Variants in FNTB observed in about 807,000 individuals in gnomAD.
The protein encoded by FNTB is farnesyltransferase, CAAX box, subunit beta, also known as protein farnesyltransferase subunit beta.
A neutral mutation model predicts 59.4 loss-of-function variants in FNTB; 27 were observed. The ratio of observed to expected loss-of-function variants is 0.45; its 90% CI spans 0.34 to 0.63. FNTB has a LOEUF of 0.63. Ranked by LOEUF, FNTB falls within the 20% of genes least tolerant of loss-of-function variation. The pLI is 0.02. For synonymous variants in FNTB, 230 were observed against 220.7 expected (o/e 1.04, Z -0.37); for missense variants, 449 against 559.6 (o/e 0.80, Z 1.99).
chr14:65,053,598 T>C (rs1176791024), intron 10 of FNTB, among the ~76,000 whole-genome samples: 1 of 143,982 alleles, frequency 6.9e-6, no homozygotes, highest in Non-Finnish European at 1.5e-5. Flanking sequence ...GGGAAACAGA[T>C]TGCTGGGTAG....
intron 8 of FNTB, among the ~76,000 whole-genome samples, chr14:65,043,491 C>G (rs1030908805): frequency 6.6e-6 from 1 of 152,106 alleles, no homozygotes; most frequent in Admixed American, 6.5e-5. Flanking sequence ...CCCCAGGTGC[C>G]AAGTAAAAGT....
chr14:64,987,237 C>G, intron 1 of FNTB, 140 bp downstream of exon 1: 1 of 1,027,930 alleles, frequency 9.7e-7, no homozygotes, highest in Non-Finnish European at 1.4e-6. Context: ...CTCTGGGAAG[C>G]TCCGGGCGCC....
intron 11 of FNTB, among the ~76,000 whole-genome samples, chr14:65,055,608 C>T (rs2062717880): frequency 6.6e-6 from 1 of 151,974 alleles, no homozygotes; most frequent in African/African-American, 2.4e-5. Flanking sequence ...CCTCCACCTC[C>T]CAGGTTCAAG....
intron 1 of FNTB, 102 bp downstream of exon 1, chr14:64,987,199 A>G: frequency 7.3e-7 from 1 of 1,364,358 alleles, no homozygotes; most frequent in Non-Finnish European, 1.0e-6. Context: ...GGGAACTACG[A>G]CTCCCACAGC....
intron 9 of FNTB, among the ~76,000 whole-genome samples, chr14:65,051,680 C>G (rs2062614544): frequency 6.6e-6 from 1 of 151,752 alleles, no homozygotes; most frequent in African/African-American, 2.4e-5. Context: ...TAGACTGTAT[C>G]ATAAACTTTT....
At chr14:65,055,497 T>TA (rs1204490783) in intron 11 of FNTB, among the ~76,000 whole-genome samples, 3 of 152,034 alleles carry the variant, frequency 2.0e-5, no homozygotes, top group African/African-American at 4.8e-5. Flanking sequence ...CTTTTTTGTT[T>TA]AAAAAAATTT....
At chr14:65,041,339 G>A (rs1050304009) in intron 8 of FNTB, among the ~76,000 whole-genome samples, 7 of 152,192 alleles carry the variant, frequency 4.6e-5, no homozygotes, top group African/African-American at 1.4e-4. Context: ...TAAATGAGTT[G>A]TTTAGGCAGA....
At chr14:65,046,362 A>G (rs2062477328) in intron 9 of FNTB, among the ~76,000 whole-genome samples, 1 of 152,230 alleles carries the variant, frequency 6.6e-6, no homozygotes, top group Non-Finnish European at 1.5e-5. Context: ...TAAAATGGTC[A>G]GTCTTTTACA....
chr14:65,006,767 T>A (rs1303565500), intron 2 of FNTB, among the ~76,000 whole-genome samples: 1 of 152,258 alleles, frequency 6.6e-6, no homozygotes, highest in Non-Finnish European at 1.5e-5. Flanking sequence ...ATTCCTTTTT[T>A]AAAATTTGTT....
intron 4 of FNTB, chr14:65,021,938 G>A (rs1435375148): frequency 8.8e-6 from 4 of 455,842 alleles, no homozygotes; most frequent in East Asian, 6.9e-5. Context: ...GAGCCACTGC[G>A]CCCGGCCTAT....
chr14:65,008,376 C>T (rs1294455739), intron 2 of FNTB, among the ~76,000 whole-genome samples: 1 of 152,192 alleles, frequency 6.6e-6, no homozygotes, highest in Non-Finnish European at 1.5e-5. Flanking sequence ...AGAGAGTCTC[C>T]AAAGGACAGG....
chr14:64,987,046 G>C lies in FNTB; in HGVS notation c.93G>C (p.Ala31=), dbSNP rs757328464. 6.2e-7 allele frequency: 1 copy of C among 1,614,200 alleles called. No homozygotes were observed. Among genetic ancestry groups the C allele is most frequent in the Non-Finnish European group, 8.5e-7 (1 of 1,180,044 alleles). The part of the protein sequence containing the change: ...EPLYSLRPEH[A]RERLQDDSVE... Reference sequence around the variant, plus strand: ...TGTACAGTCTGAGGCCCGAGCACGCGCGAGAGCGGTTGCAGGACGACTCGG... The same window carrying C: ...TGTACAGTCTGAGGCCCGAGCACGCCCGAGAGCGGTTGCAGGACGACTCGG... Residue 31 remains alanine, a synonymous_variant, in exon 1 of 12, where the codon GCG becomes GCC. Transcript: ENST00000246166.
intron 4 of FNTB, chr14:65,016,393 AG>A (rs1327640545): frequency 1.3e-5 from 2 of 152,212 alleles, no homozygotes; most frequent in Non-Finnish European, 2.9e-5. Context: ...ACCTGGAATA[AG>A]AAAGGGCAGC....
intron 8 of FNTB, among the ~76,000 whole-genome samples, chr14:65,042,894 C>T (rs2062384071): frequency 1.3e-5 from 2 of 152,148 alleles, no homozygotes; most frequent in African/African-American, 4.8e-5. Context: ...TAAGATCAAC[C>T]GAGGATATAT....
intron 4 of FNTB, among the ~76,000 whole-genome samples, chr14:65,025,259 C>T (rs1027372555): frequency 3.3e-5 from 5 of 152,104 alleles, no homozygotes; most frequent in Admixed American, 1.3e-4. Flanking sequence ...GTGTTGCGTT[C>T]GGCACGATTC....
intron 9 of FNTB, among the ~76,000 whole-genome samples, chr14:65,048,500 C>G (rs924186475): frequency 3.3e-5 from 5 of 152,284 alleles, no homozygotes; most frequent in African/African-American, 1.2e-4. Context: ...TGGCTCCATG[C>G]CATTGACTAC....
At position 65,031,745 on chromosome 14, in the gene FNTB, AC is replaced by A. The variant is rs755169633; in HGVS notation, c.606-861del. ...AAACCAGCCTAGCCAACATGGCGAA[AC>A]CCCATCTCCACTAAAAATAGAAAAA... On this transcript the variant is annotated intron_variant, in intron 6 of 11. Transcript: ENST00000246166. This position sits in a 1 kb window ranked among gnomAD's most constrained non-coding sequence, Gnocchi z 4.6. Among the ~76,000 whole-genome samples, 1 of 151,728 alleles carries A rather than the reference AC, an allele frequency of 6.6e-6. No individual in the cohort carries two copies. Among genetic ancestry groups the A allele is most frequent in the Non-Finnish European group, 1.5e-5 (1 of 67,902 alleles).
chr14:65,010,373 A>G (rs573285403), intron 2 of FNTB, among the ~76,000 whole-genome samples: 38 of 152,236 alleles, frequency 2.5e-4, no homozygotes, highest in African/African-American at 9.1e-4. Flanking sequence ...TGTGTGTGTA[A>G]CCTGAATCCC....
Position 65,012,123 on chromosome 14 carries a change from A to G in FNTB, c.210-194A>G. 1.7e-6 allele frequency: 1 copy of G among 582,548 alleles called. No individual in the cohort carries two copies. 36.1% of individuals were successfully genotyped at this position (582,548 alleles called of 1,614,324 possible). On this transcript the variant is annotated intron_variant, in intron 2 of 11. Transcript: ENST00000246166. The surrounding 1 kb of genome is among the most constrained non-coding windows in gnomAD (Gnocchi z 5.0). ...GGCATGGTTTTCAGATGCTTTAGAG[A>G]CATTCAGACAAGAGCTTCTTTTCTC...
Sources: allele counts gnomAD v4.1 joint callset (sites outside exome capture counted in the v4.1 genomes callset), GRCh38; gene constraint gnomAD v4.1.1; non-coding constraint Gnocchi (gnomAD v3.1); transcripts MANE v1.5; gene names NCBI Gene and HGNC (gene_info 2026-07-23, HGNC 2026-07-21).